SPARCL1: variants seen among roughly 807,000 people sequenced by gnomAD.
The protein encoded by SPARCL1 is SPARC like 1, also known as SPARC-like protein 1.
A neutral mutation model predicts 67.1 loss-of-function variants in SPARCL1; 52 were observed. The ratio of observed to expected loss-of-function variants is 0.78; its 90% CI spans 0.62 to 0.98. The LOEUF is 0.98. Among genes scored for constraint, SPARCL1 ranks in the 50% least tolerant of loss-of-function variants. The probability of loss-of-function intolerance (pLI) is 0.00; values close to 1 mark genes in which losing one functional copy is unlikely to be tolerated. For synonymous variants in SPARCL1, 226 were observed against 267.8 expected (o/e 0.84, Z 1.52); for missense variants, 717 against 782.4 (o/e 0.92, Z 1.00).
chr4:87,500,012 A>G (rs552549938), intron 1 of SPARCL1, among the ~76,000 whole-genome samples: 1 of 152,346 alleles, frequency 6.6e-6, no homozygotes, highest in African/African-American at 2.4e-5. Flanking sequence ...CCACAGAGTA[A>G]TAGACCTAGA....
chr4:87,523,517 C>T (rs192956743), intron 1 of SPARCL1, among the ~76,000 whole-genome samples: 6 of 152,218 alleles, frequency 3.9e-5, no homozygotes, highest in East Asian at 1.9e-4. Flanking sequence ...AACATGACCA[C>T]GAGTGAGGAC....
At chr4:87,520,637 G>C (rs1725772769) in intron 1 of SPARCL1, among the ~76,000 whole-genome samples, 1 of 152,106 alleles carries the variant, frequency 6.6e-6, no homozygotes, top group Non-Finnish European at 1.5e-5. Context: ...GTTTCCTTTT[G>C]TATCAAAAAG....
In SPARCL1 at chr4:87,513,153, T is replaced by A. The variant is rs75509334; in HGVS notation, c.-11-13568A>T. 4.7e-3 allele frequency among the ~76,000 whole-genome samples: 719 copies of A among 152,332 alleles called. 8 individuals carry two copies. Among genetic ancestry groups the A allele is most frequent in the African/African-American group, 0.017 (688 of 41,586 alleles). On this transcript the variant is annotated intron_variant, in intron 1 of 10. Transcript: ENST00000282470. ...AGGAATATTAACTTATTAAGATGGA[T>A]TTAGTTATACATTCCTTGTATTTAT... is the stretch of plus-strand genomic sequence containing the variant.
chr4:87,502,473 T>C (rs551413205), intron 1 of SPARCL1, among the ~76,000 whole-genome samples: 3 of 152,346 alleles, frequency 2.0e-5, no homozygotes, highest in Admixed American at 1.3e-4. Context: ...TTCTTACTTC[T>C]ATGAGATCAA....
Position 87,479,502 on chromosome 4 carries a change from C to G in SPARCL1, c.1894G>C (p.Glu632Gln). 6.2e-7 allele frequency: 1 copy of G among 1,614,096 alleles called. No homozygotes were observed. Among genetic ancestry groups the G allele is most frequent in the Non-Finnish European group, 8.5e-7 (1 of 1,180,010 alleles). Residue 632 changes from glutamate to glutamine, a missense_variant, in exon 10 of 11, where the codon GAG becomes CAG. Coordinates refer to ENST00000282470, the MANE Select transcript of SPARCL1 (RefSeq NM_004684.6). ...PMEHCITRFF[E>Q]ECDPNKDKHI... ...TTATCCTTGTTGGGGTCACACTCCT[C>G]AAAGAAACGGGTTATGCAGTGTTCC...
chr4:87,512,158 G>T (rs972237835), intron 1 of SPARCL1, among the ~76,000 whole-genome samples: 15 of 151,670 alleles, frequency 9.9e-5, no homozygotes, highest in African/African-American at 3.2e-4. Flanking sequence ...GTAGAGATGG[G>T]GGTTTCACCA....
intron 1 of SPARCL1, among the ~76,000 whole-genome samples, chr4:87,508,818 A>G (rs1252297821): frequency 7.6e-6 from 1 of 132,214 alleles, no homozygotes; most frequent in Non-Finnish European, 1.6e-5. Flanking sequence ...GTGTGTGTAT[A>G]GATACATATA....
intron 1 of SPARCL1, among the ~76,000 whole-genome samples, chr4:87,525,050 C>T (rs933048634): frequency 2.0e-5 from 3 of 151,830 alleles, no homozygotes; most frequent in African/African-American, 2.4e-5. Context: ...GTAGTCCCAG[C>T]TACTCAGGAG....
chr4:87,479,727 T>C (rs1332521645), intron 9 of SPARCL1, 149 bp from the exon 10 acceptor site: 2 of 713,212 alleles, frequency 2.8e-6, no homozygotes, highest in Admixed American at 5.9e-5. Flanking sequence ...CGAAATAAAG[T>C]ATTTGTGGGT....
At chr4:87,479,803 C>T (rs903502153) in intron 9 of SPARCL1, among the ~76,000 whole-genome samples, 2 of 152,184 alleles carry the variant, frequency 1.3e-5, no homozygotes, top group African/African-American at 2.4e-5. Context: ...GTCCTTCCCC[C>T]ACCCTAAATC....
At chr4:87,515,562 G>A (rs1377474395) in intron 1 of SPARCL1, among the ~76,000 whole-genome samples, 1 of 152,160 alleles carries the variant, frequency 6.6e-6, no homozygotes, top group Non-Finnish European at 1.5e-5. Flanking sequence ...GGTTAAAGAT[G>A]AGGGATGATA....
intron 1 of SPARCL1, chr4:87,528,724 A>G (rs1310216094): frequency 6.6e-6 from 1 of 152,152 alleles, no homozygotes; most frequent in Non-Finnish European, 1.5e-5. Context: ...TACTTCTACA[A>G]AACACATTTC....
intron 2 of SPARCL1, among the ~76,000 whole-genome samples, chr4:87,496,781 T>C (rs1342650707): frequency 1.3e-5 from 2 of 152,166 alleles, no homozygotes; most frequent in Non-Finnish European, 2.9e-5. Flanking sequence ...AGTATGAAAC[T>C]GAGATTCTAT....
At chr4:87,484,680 A>G (rs1451525299) in intron 7 of SPARCL1, among the ~76,000 whole-genome samples, 1 of 152,044 alleles carries the variant, frequency 6.6e-6, no homozygotes, top group Admixed American at 6.6e-5. Flanking sequence ...CAGTACAACC[A>G]TTTTCACGAT....
At chr4:87,508,121 T>G (rs763823841) in intron 1 of SPARCL1, among the ~76,000 whole-genome samples, 3 of 152,084 alleles carry the variant, frequency 2.0e-5, no homozygotes, top group Non-Finnish European at 4.4e-5. Flanking sequence ...GACAACCACA[T>G]AGAAATGTGT....
chr4:87,494,503 A>T lies in SPARCL1; in HGVS notation c.297T>A (p.Asp99Glu). ...TTAAGTGACCATCACTGTCCTCTTG[A>T]TCCTTCAATCCCAGCTCTTGGCTAG... ...KSSSQELGLK[D>E]QEDSDGHLSV... The change falls in exon 4 of 11, where the codon GAT (aspartate) becomes GAA (glutamate). Residue 99 changes from aspartate to glutamate, a missense_variant. Asp to Glu is a conservative substitution (Grantham distance 45, BLOSUM62 2). Transcript: ENST00000282470. The T allele has an allele frequency of 6.2e-7, 1 of 1,614,054 alleles. No homozygotes were observed. Among genetic ancestry groups the T allele is most frequent in the Non-Finnish European group, 8.5e-7 (1 of 1,180,004 alleles).
At chr4:87,503,128 T>C (rs1237344787) in intron 1 of SPARCL1, among the ~76,000 whole-genome samples, 1 of 152,184 alleles carries the variant, frequency 6.6e-6, no homozygotes, top group Non-Finnish European at 1.5e-5. Flanking sequence ...ATAAGCTTTT[T>C]CCTGTTTGTG....
chr4:87,513,207 T>C (rs970290848), intron 1 of SPARCL1, among the ~76,000 whole-genome samples: 3 of 152,254 alleles, frequency 2.0e-5, no homozygotes, highest in Non-Finnish European at 4.4e-5. Flanking sequence ...TAAAGTGTTT[T>C]CTTATATACT....
Position 87,490,258 on chromosome 4 carries a change from G to T in SPARCL1, c.1531+15C>A. 1 of 1,601,174 alleles carries T rather than the reference G, an allele frequency of 6.2e-7. No homozygotes were observed. On this transcript the variant is annotated intron_variant, in intron 7 of 10. Transcript: ENST00000282470. ...CTCTCAGAGATGATGGTTGACAGGA[G>T]GGACATAATCTTACATTTGCAGGCT...
Sources: allele counts gnomAD v4.1 joint callset (sites outside exome capture counted in the v4.1 genomes callset), GRCh38; gene constraint gnomAD v4.1.1; transcripts MANE v1.5; gene names NCBI Gene and HGNC (gene_info 2026-07-23, HGNC 2026-07-21).